Variants in MAN1C1 observed in about 807,000 individuals in gnomAD.
MAN1C1 encodes the protein mannosidase alpha class 1C member 1.
In MAN1C1, 49 loss-of-function variants were observed where a neutral mutation model predicts 71.5. That is an observed-to-expected ratio of 0.69 (90% CI 0.54 to 0.87). The LOEUF (loss-of-function observed/expected upper bound fraction) is 0.87, where lower values mean the gene tolerates loss of function less well. Among genes scored for constraint, MAN1C1 ranks in the 40% least tolerant of loss-of-function variants. The probability of loss-of-function intolerance (pLI) is 0.00; values close to 1 mark genes in which losing one functional copy is unlikely to be tolerated. For synonymous variants in MAN1C1, 352 were observed against 343.7 expected, an observed-to-expected ratio of 1.02 and a Z score of -0.27; for missense variants, 743 against 835.0, an observed-to-expected ratio of 0.89 and a Z score of 1.36.
In MAN1C1 at chr1:25,617,788, C is replaced by G. The variant is rs766659473; in HGVS notation, c.-10C>G. 1.3e-6 allele frequency: 2 copies of G among 1,581,578 alleles called. No homozygotes were observed. The highest frequency in any genetic ancestry group is 1.4e-5 in the African/African-American group (1 of 72,474). The stretch of plus-strand genomic sequence containing the variant: ...CTCCGAGGGCTTCTGGAGCCACCGG[C>G]CGGGCCACGATGCTCATGAGGAAAG... On this transcript the variant is annotated 5_prime_UTR_variant, in exon 1 of 12. Transcript: ENST00000374332. The surrounding 1 kb of genome is among the most constrained non-coding windows in gnomAD (Gnocchi z 5.1).
In MAN1C1 at chr1:25,783,995, C is replaced by T. The variant is rs2047734287; in HGVS notation, c.*206C>T. Reference sequence around the variant, plus strand: ...CAGGCCAGGGCCATGGCCACACTGGCCCACACATTCCTTTCTACAGAGAAT... The same window carrying T: ...CAGGCCAGGGCCATGGCCACACTGGTCCACACATTCCTTTCTACAGAGAAT... On this transcript the variant is annotated 3_prime_UTR_variant, in exon 12 of 12. Coordinates refer to ENST00000374332, the MANE Select transcript of MAN1C1 (RefSeq NM_020379.4). The T allele has an allele frequency of 1.8e-6, 1 of 561,372 alleles. No individual in the cohort carries two copies. The highest frequency in any genetic ancestry group is 3.0e-5 in the East Asian group (1 of 32,994). 34.8% of individuals were successfully genotyped at this position (561,372 alleles called of 1,614,324 possible). A position where few individuals can be genotyped will look rare whatever the true frequency, so the allele number is the denominator to read the frequency against.
chr1:25,640,426 C>A (rs1164212982), intron 1 of MAN1C1, among the ~76,000 whole-genome samples: 1 of 152,168 alleles, frequency 6.6e-6, no homozygotes, highest in Non-Finnish European at 1.5e-5. Context: ...CTTCCTTGAC[C>A]TAAATTAGCA....
chr1:25,695,807 C>T (rs545969267), intron 2 of MAN1C1, among the ~76,000 whole-genome samples: 6 of 152,360 alleles, frequency 3.9e-5, no homozygotes, highest in East Asian at 1.9e-4. Context: ...TTCGTGTCCC[C>T]GCTCTGGCGC....
intron 2 of MAN1C1, among the ~76,000 whole-genome samples, chr1:25,708,173 G>A (rs1197572226): frequency 6.6e-6 from 1 of 152,214 alleles, no homozygotes; most frequent in Middle Eastern, 3.2e-3. Context: ...TATACTTACA[G>A]TTATTTCTTG....
chr1:25,669,038 A>G (rs1242601021), intron 1 of MAN1C1, among the ~76,000 whole-genome samples: 2 of 152,214 alleles, frequency 1.3e-5, no homozygotes, highest in Non-Finnish European at 2.9e-5. Flanking sequence ...ACCATCACCC[A>G]TAGTTGTACC....
intron 1 of MAN1C1, among the ~76,000 whole-genome samples, chr1:25,637,144 ACT>A (rs982605584): frequency 3.9e-5 from 6 of 151,926 alleles, no homozygotes; most frequent in African/African-American, 1.2e-4. Flanking sequence ...AACAGAGCAA[ACT>A]CTGTCTCAAA....
chr1:25,738,429 A>G (rs986910994), intron 2 of MAN1C1, among the ~76,000 whole-genome samples: 2 of 152,234 alleles, frequency 1.3e-5, no homozygotes, highest in African/African-American at 4.8e-5. Context: ...CATCTTCCTA[A>G]AAAACCCATG....
intron 1 of MAN1C1, among the ~76,000 whole-genome samples, chr1:25,673,484 TA>T (rs147019797): frequency 0.023 from 3,576 of 152,278 alleles, 146 homozygotes; most frequent in African/African-American, 0.081. Context: ...ACCAGTCCTA[TA>T]AAATTAGTGT....
chr1:25,641,699 A>C (rs1256313303), intron 1 of MAN1C1, among the ~76,000 whole-genome samples: 2 of 152,200 alleles, frequency 1.3e-5, no homozygotes, highest in South Asian at 2.1e-4. Flanking sequence ...GCCTCGACTT[A>C]TCTCTTTTCT....
At chr1:25,644,397 G>C (rs1432524000) in intron 1 of MAN1C1, 1 of 150,482 alleles carries the variant, frequency 6.6e-6, no homozygotes, top group Non-Finnish European at 1.5e-5. Flanking sequence ...TTTAATGCTA[G>C]GCGTGATAAA....
At chr1:25,714,775 C>T (rs1212985952) in intron 2 of MAN1C1, among the ~76,000 whole-genome samples, 1 of 152,182 alleles carries the variant, frequency 6.6e-6, no homozygotes, top group African/African-American at 2.4e-5. Context: ...GAGTCAGCTA[C>T]ACTCTAAAGG....
At chr1:25,742,632 T>C (rs1274715704) in intron 2 of MAN1C1, among the ~76,000 whole-genome samples, 1 of 152,192 alleles carries the variant, frequency 6.6e-6, no homozygotes, top group Non-Finnish European at 1.5e-5. Flanking sequence ...TCCATCAACC[T>C]ACCCCATTTA....
chr1:25,685,136 C>T (rs1046588223), intron 1 of MAN1C1, among the ~76,000 whole-genome samples: 2 of 152,192 alleles, frequency 1.3e-5, no homozygotes, highest in African/African-American at 4.8e-5. Flanking sequence ...CTTGCTGTGT[C>T]TGGTCGGAAA....
intron 1 of MAN1C1, among the ~76,000 whole-genome samples, chr1:25,670,344 TTTG>T (rs2045977203): frequency 6.6e-6 from 1 of 152,240 alleles, no homozygotes; most frequent in Admixed American, 6.5e-5. Context: ...TGGTATTTTC[TTTG>T]TTTTCACTTA....
chr1:25,782,881 G>T lies in MAN1C1; in HGVS notation c.1766+181G>T, dbSNP rs2047716116. ...AGCCTTGGGCCAGGCCGCTTTCTCGGAGAGTGAGACTGGGCTAGAATCCAA... is the reference window on the plus strand; with the variant it reads ...AGCCTTGGGCCAGGCCGCTTTCTCGTAGAGTGAGACTGGGCTAGAATCCAA... On this transcript the variant is annotated intron_variant, in intron 11 of 11. Coordinates refer to ENST00000374332, the MANE Select transcript of MAN1C1 (RefSeq NM_020379.4). The surrounding 1 kb of genome is among the most constrained non-coding windows in gnomAD (Gnocchi z 4.4). Among the ~76,000 whole-genome samples the T allele has an allele frequency of 6.6e-6, 1 of 152,218 alleles. No individual in the cohort carries two copies. The highest frequency in any genetic ancestry group is 1.5e-5 in the Non-Finnish European group (1 of 68,040).
Position 25,746,519 on chromosome 1 carries a change from G to T in MAN1C1, c.638-149G>T. 1.5e-6 allele frequency: 1 copy of T among 682,274 alleles called. No homozygotes were observed. 42.3% of individuals were successfully genotyped at this position (682,274 alleles called of 1,614,324 possible). A position where few individuals can be genotyped will look rare whatever the true frequency, so the allele number is the denominator to read the frequency against. On this transcript the variant is annotated intron_variant, in intron 2 of 11. Transcript: ENST00000374332. The surrounding 1 kb of genome is among the most constrained non-coding windows in gnomAD (Gnocchi z 4.0). ...GGTCTCGGCGTCACCTTCGATGGTG[G>T]CACTGGAGTCCCCCGGATGGTGCCT...
At chr1:25,649,125 T>C (rs969540805) in intron 1 of MAN1C1, among the ~76,000 whole-genome samples, 22 of 152,230 alleles carry the variant, frequency 1.4e-4, no homozygotes, top group African/African-American at 5.1e-4. Flanking sequence ...CCAGGTCTTC[T>C]TGATTTGAGT....
At chr1:25,639,027 G>A (rs1222518208) in intron 1 of MAN1C1, among the ~76,000 whole-genome samples, 1 of 152,020 alleles carries the variant, frequency 6.6e-6, no homozygotes, top group Non-Finnish European at 1.5e-5. Flanking sequence ...CTGAGGCTCT[G>A]CTCATTTTTT....
intron 2 of MAN1C1, among the ~76,000 whole-genome samples, chr1:25,744,505 G>C (rs2047101889): frequency 6.6e-6 from 1 of 151,650 alleles, no homozygotes; most frequent in Non-Finnish European, 1.5e-5. Flanking sequence ...TAGATTCTCC[G>C]ACCTCCAGCC....
Sources: gnomAD v4.1 joint callset for allele counts (sites outside exome capture counted in the v4.1 genomes callset) on GRCh38, gnomAD v4.1.1 for gene constraint, Gnocchi (gnomAD v3.1) non-coding constraint, MANE v1.5 for transcripts, NCBI Gene and HGNC (gene_info 2026-07-23, HGNC 2026-07-21) for gene names.